The following PKD2L2 variants were observed in gnomAD, a reference collection of about 807,000 sequenced individuals.
PKD2L2 encodes polycystin 2 like 2, transient receptor potential cation channel.
PKD2L2 carries 67 observed loss-of-function variants against 83.9 expected under a neutral mutation model. That is an observed-to-expected ratio of 0.80 (90% CI 0.66 to 0.98). The LOEUF (loss-of-function observed/expected upper bound fraction) is 0.98, where lower values mean the gene tolerates loss of function less well. PKD2L2 is among the 50% of genes least tolerant of loss of function. The pLI is 0.00. For synonymous variants in PKD2L2, 223 were observed against 237.8 expected (o/e 0.94, Z 0.57); for missense variants, 632 against 717.2 (o/e 0.88, Z 1.36).
At chr5:137,927,605 A>G (rs1441187383) in intron 12 of PKD2L2, among the ~76,000 whole-genome samples, 3 of 152,228 alleles carry the variant, frequency 2.0e-5, no homozygotes, top group Non-Finnish European at 1.5e-5. Flanking sequence ...TGGTTATACT[A>G]TAATTATAAA....
At chr5:137,895,234 A>G (rs1273510044) in intron 4 of PKD2L2, among the ~76,000 whole-genome samples, 1 of 151,934 alleles carries the variant, frequency 6.6e-6, no homozygotes, top group African/African-American at 2.4e-5. Context: ...TTGGGAAGCC[A>G]AGGAAGGAGG....
intron 14 of PKD2L2, among the ~76,000 whole-genome samples, chr5:137,941,413 T>TA (rs1761789303): frequency 6.6e-6 from 1 of 152,314 alleles, no homozygotes; most frequent in East Asian, 1.9e-4. Context: ...GTATTTTTCT[T>TA]AGTTTTTAAA....
chr5:137,927,914 C>G (rs1353983030), intron 12 of PKD2L2, among the ~76,000 whole-genome samples: 1 of 152,078 alleles, frequency 6.6e-6, no homozygotes, highest in Admixed American at 6.5e-5. Context: ...CCTGTAATCC[C>G]AGCACTTTGG....
intron 8 of PKD2L2, among the ~76,000 whole-genome samples, chr5:137,914,327 T>C (rs1758130848): frequency 6.6e-6 from 1 of 152,122 alleles, no homozygotes; most frequent in Non-Finnish European, 1.5e-5. Flanking sequence ...GAAATGCGCA[T>C]TGGAGCATTC....
chr5:137,907,646 A>G, intron 6 of PKD2L2, 96 bp from the exon 7 acceptor site: 1 of 630,508 alleles, frequency 1.6e-6, no homozygotes, highest in Non-Finnish European at 2.5e-6. Context: ...TCTTTGTTAA[A>G]CTTTTGATGA....
intron 5 of PKD2L2, among the ~76,000 whole-genome samples, chr5:137,904,308 C>G (rs1052986668): frequency 5.3e-5 from 8 of 152,158 alleles, no homozygotes; most frequent in Non-Finnish European, 1.2e-4. Flanking sequence ...GGGATTTAAT[C>G]AGCTTCCACT....
intron 13 of PKD2L2, 149 bp downstream of exon 13, chr5:137,936,058 A>T: frequency 1.6e-6 from 1 of 635,478 alleles, no homozygotes; most frequent in Non-Finnish European, 2.7e-6. Context: ...GTTGCATATG[A>T]CTCCATTTGC....
chr5:137,911,706 A>T (rs1460926684), intron 8 of PKD2L2, among the ~76,000 whole-genome samples: 2 of 152,168 alleles, frequency 1.3e-5, no homozygotes, highest in East Asian at 3.8e-4. Context: ...ATTTTCAAGT[A>T]TACATTATTA....
At chr5:137,925,797 A>G (rs946702989) in intron 11 of PKD2L2, 78 bp from the exon 12 acceptor site, 71 of 778,882 alleles carry the variant, frequency 9.1e-5, no homozygotes, top group Non-Finnish European at 1.3e-4. Flanking sequence ...TCCTTACTAC[A>G]GATCCGATTG....
chr5:137,889,600 C>A, intron 1 of PKD2L2, 78 bp downstream of exon 1: 2 of 1,312,408 alleles, frequency 1.5e-6, no homozygotes, highest in Non-Finnish European at 2.0e-6. Flanking sequence ...ACTCTGCGGC[C>A]CCAAATTCGT....
intron 14 of PKD2L2, 90 bp from the exon 15 acceptor site, chr5:137,942,292 TGG>T: frequency 2.2e-6 from 1 of 464,890 alleles, no homozygotes; most frequent in South Asian, 3.7e-5. Flanking sequence ...GGTAAAGAAG[TGG>T]ATATAGAACA....
At chr5:137,929,658 TA>T (rs1429029598) in intron 12 of PKD2L2, among the ~76,000 whole-genome samples, 2 of 151,420 alleles carry the variant, frequency 1.3e-5, no homozygotes, top group Non-Finnish European at 1.5e-5. Context: ...TTAATTTACT[TA>T]AAAAGAAAAA....
intron 12 of PKD2L2, among the ~76,000 whole-genome samples, chr5:137,934,196 G>A (rs1022283165): frequency 2.6e-5 from 4 of 152,170 alleles, no homozygotes; most frequent in Non-Finnish European, 5.9e-5. Flanking sequence ...CGAGCAGGAC[G>A]TAGGAGCTTG....
intron 12 of PKD2L2, among the ~76,000 whole-genome samples, chr5:137,930,447 C>T (rs534780145): frequency 6.6e-5 from 10 of 151,892 alleles, no homozygotes; most frequent in East Asian, 1.9e-4. Flanking sequence ...CTGAGGTGGG[C>T]GGATCATGAG....
At chr5:137,909,068 A>ATTTTCT in intron 8 of PKD2L2, 122 bp downstream of exon 8, 2 of 606,886 alleles carry the variant, frequency 3.3e-6, no homozygotes, top group Non-Finnish European at 5.6e-6. Flanking sequence ...TTAGTTTGAT[A>ATTTTCT]TTTTCTTTTT....
chr5:137,936,478 C>CG (rs1399753044), intron 14 of PKD2L2, 51 bp downstream of exon 14: 1 of 1,414,950 alleles, frequency 7.1e-7, no homozygotes, highest in African/African-American at 1.4e-5. Context: ...TTTTTTGAGA[C>CG]GGAGTCTCGC....
At chr5:137,939,774 G>A in intron 14 of PKD2L2, 1 of 1,005,302 alleles carries the variant, frequency 9.9e-7, no homozygotes, top group Non-Finnish European at 1.3e-6. Flanking sequence ...CACTTTTATA[G>A]GCTTTTCTTT....
At chr5:137,889,832 A>G (rs1755791319) in intron 1 of PKD2L2, 1 of 359,954 alleles carries the variant, frequency 2.8e-6, no homozygotes, top group Non-Finnish European at 4.9e-6. Context: ...TGACCTTGAC[A>G]GAATTCAAGC....
In PKD2L2 at chr5:137,910,798, A is replaced by AC. The variant is rs1022022491; in HGVS notation, c.1328+1852_1328+1853insC. ...TGTCTCAAAAAAAAAAGAAAAACAA[A>AC]AAAAAAAAGCTGGATGACATAGAAA... On this transcript the variant is annotated intron_variant, in intron 8 of 14. Transcript: ENST00000508883. Among the ~76,000 whole-genome samples the AC allele has an allele frequency of 1.1e-4, 17 of 151,080 alleles. No individual in the cohort carries two copies. The East Asian group carries it at 1.2e-3, about 10-fold the overall frequency.
Sources: gnomAD v4.1 joint callset for allele counts (sites outside exome capture counted in the v4.1 genomes callset) on GRCh38, gnomAD v4.1.1 for gene constraint, MANE v1.5 for transcripts, NCBI Gene and HGNC (gene_info 2026-07-23, HGNC 2026-07-21) for gene names.